Variants in SGCD observed in about 807,000 individuals in gnomAD.
The protein encoded by SGCD is delta-sarcoglycan.
Under a neutral mutation model 36.6 loss-of-function variants are expected in SGCD, and 18 were observed. That is an observed-to-expected ratio of 0.49 (90% CI 0.34 to 0.73). SGCD has a LOEUF of 0.73. SGCD is among the 30% of genes least tolerant of loss of function. SGCD has a pLI of 0.01. For missense variants in SGCD, 387 were observed against 346.7 expected, an observed-to-expected ratio of 1.12 and a Z score of -0.92; for synonymous variants, 133 against 130.6, an observed-to-expected ratio of 1.02 and a Z score of -0.12.
the SGCD span, among the ~76,000 whole-genome samples, chr5:155,858,232 A>C: frequency 6.6e-6 from 1 of 152,018 alleles, no homozygotes; most frequent in African/African-American, 2.4e-5. Context: ...TCTTACATTA[A>C]TCTCATGCAT....
intron 7 of SGCD, among the ~76,000 whole-genome samples, chr5:156,701,093 T>G (rs554439638): frequency 1.1e-3 from 161 of 152,320 alleles, no homozygotes; most frequent in African/African-American, 3.5e-3. Flanking sequence ...TGACTCTTCA[T>G]TACTTACCTG....
chr5:155,916,346 G>T (rs957671059), intron 1 of SGCD, among the ~76,000 whole-genome samples: 2 of 152,048 alleles, frequency 1.3e-5, no homozygotes, highest in Non-Finnish European at 2.9e-5. Flanking sequence ...ACGTTTTAGT[G>T]GATACATTTA....
chr5:156,075,909 A>C (rs1689065343), intron 1 of SGCD, among the ~76,000 whole-genome samples: 1 of 152,202 alleles, frequency 6.6e-6, no homozygotes, highest in Non-Finnish European at 1.5e-5. Context: ...CTGGGTAGCT[A>C]TTCAAAAGCT....
At chr5:155,736,468 A>G in the SGCD span, among the ~76,000 whole-genome samples, 1 of 152,166 alleles carries the variant, frequency 6.6e-6, no homozygotes, top group Non-Finnish European at 1.5e-5. Flanking sequence ...CCCTAACACC[A>G]TAACAAATTG....
At chr5:155,827,954 G>A in the SGCD span, among the ~76,000 whole-genome samples, 5 of 150,434 alleles carry the variant, frequency 3.3e-5, no homozygotes, top group Admixed American at 2.7e-4. Context: ...GCCTCCCAAA[G>A]TGCTGAGATT....
intron 3 of SGCD, among the ~76,000 whole-genome samples, chr5:156,404,939 T>C (rs186709716): frequency 4.5e-4 from 68 of 152,324 alleles, no homozygotes; most frequent in Admixed American, 1.4e-3. Flanking sequence ...CTTCTGTGAT[T>C]ATGTTATTGC....
At position 156,171,655 on chromosome 5, in the gene SGCD, T is replaced by C. The variant is rs116585327; in HGVS notation, c.-44+47636T>C. ...AAGATGTTAGCATTAGAAGAAAGTG[T>C]GTAATAGGCATACAGTAGCACACTG... is the stretch of plus-strand genomic sequence containing the variant. On this transcript the variant is annotated intron_variant, in intron 3 of 9. Coordinates refer to the SGCD transcript ENST00000517913. Among the ~76,000 whole-genome samples, 692 of 152,300 alleles carry C rather than the reference T, an allele frequency of 4.5e-3. 4 individuals carry two copies. Among genetic ancestry groups the C allele is most frequent in the Non-Finnish European group, 7.2e-3 (489 of 68,028 alleles).
intron 3 of SGCD, among the ~76,000 whole-genome samples, chr5:156,454,981 G>A (rs950023731): frequency 7.9e-5 from 12 of 152,162 alleles, no homozygotes; most frequent in African/African-American, 2.9e-4. Context: ...CTTCTGCAAT[G>A]TGCCTTCAGG....
chr5:155,857,805 C>A, the SGCD span, among the ~76,000 whole-genome samples: 1 of 152,092 alleles, frequency 6.6e-6, no homozygotes, highest in African/African-American at 2.4e-5. Flanking sequence ...TTTCAATGGG[C>A]AGCATGTACT....
chr5:156,329,637 T>G lies in SGCD; in HGVS notation c.3+58T>G, dbSNP rs945998291. 3.8e-5 allele frequency: 58 copies of G among 1,526,404 alleles called. 1 individual carries two copies. In the African/African-American group the frequency reaches 7.6e-4, roughly 20 times the overall value. The allele number at this position is 1,526,404 out of a possible 1,614,324, so 94.6% of individuals were successfully genotyped here. On this transcript the variant is annotated intron_variant, in intron 2 of 8. Transcript: ENST00000337851. ...GGCCCTGCTCATGGTCATTTTATTA[T>G]TAACATAAACTTTTGAAAAAGAGAA...
chr5:156,470,110 A>C (rs1341279318), intron 3 of SGCD, among the ~76,000 whole-genome samples: 2 of 152,212 alleles, frequency 1.3e-5, no homozygotes, highest in African/African-American at 4.8e-5. Flanking sequence ...GTTCACTTGT[A>C]TGGTAAAACA....
chr5:156,483,658 C>T (rs993570219), intron 3 of SGCD, among the ~76,000 whole-genome samples: 2 of 152,246 alleles, frequency 1.3e-5, no homozygotes, highest in Non-Finnish European at 2.9e-5. Context: ...TGAGAGCAGT[C>T]ACCTTGGTAA....
At chr5:156,034,302 C>A (rs1414370136) in intron 1 of SGCD, among the ~76,000 whole-genome samples, 8 of 152,170 alleles carry the variant, frequency 5.3e-5, no homozygotes, top group Non-Finnish European at 1.0e-4. Flanking sequence ...CCTTCCTCCA[C>A]CAAACCTTTT....
intron 3 of SGCD, among the ~76,000 whole-genome samples, chr5:156,301,524 G>A (rs1767054017): frequency 6.6e-6 from 1 of 151,960 alleles, no homozygotes; most frequent in Non-Finnish European, 1.5e-5. Context: ...TTTCACTCAA[G>A]ATTTGAGTAG....
intron 3 of SGCD, among the ~76,000 whole-genome samples, chr5:156,427,475 T>C (rs1398974167): frequency 6.6e-6 from 1 of 152,124 alleles, no homozygotes; most frequent in Non-Finnish European, 1.5e-5. Flanking sequence ...TACAATCATA[T>C]TGGTGAACAG....
intron 7 of SGCD, among the ~76,000 whole-genome samples, chr5:156,756,715 C>CCATAAAATTCA (rs1179429472): frequency 2.0e-5 from 3 of 152,080 alleles, no homozygotes; most frequent in Admixed American, 1.3e-4. Flanking sequence ...ATCTTACATA[C>CCATAAAATTCA]CATAAAATTC....
intron 1 of SGCD, among the ~76,000 whole-genome samples, chr5:156,033,397 C>A (rs377283984): frequency 1.3e-5 from 2 of 152,156 alleles, no homozygotes; most frequent in East Asian, 3.9e-4. Context: ...CCCACCCTCT[C>A]TCCTTTTGGC....
At chr5:155,799,232 A>G in the SGCD span, among the ~76,000 whole-genome samples, 1 of 152,188 alleles carries the variant, frequency 6.6e-6, no homozygotes, top group Non-Finnish European at 1.5e-5. Context: ...TGTCTTGTTA[A>G]TGAGGAAGCT....
chr5:156,023,693 G>A (rs1306456316), intron 1 of SGCD, among the ~76,000 whole-genome samples: 2 of 152,196 alleles, frequency 1.3e-5, no homozygotes, highest in African/African-American at 4.8e-5. Flanking sequence ...AGAACGTTCA[G>A]AGAATTATCT....
Sources: gnomAD v4.1 joint callset for allele counts (sites outside exome capture counted in the v4.1 genomes callset) on GRCh38, gnomAD v4.1.1 for gene constraint, MANE v1.5 for transcripts, NCBI Gene and HGNC (gene_info 2026-07-23, HGNC 2026-07-21) for gene names.